Variants in A1CF observed in about 807,000 individuals in gnomAD.
A1CF encodes APOBEC-1 stimulating protein.
In A1CF, 48 loss-of-function variants were observed where a neutral mutation model predicts 68.9. That is an observed-to-expected ratio of 0.70 (90% CI 0.55 to 0.89). The LOEUF (loss-of-function observed/expected upper bound fraction) is 0.89. A1CF is among the 40% of genes least tolerant of loss of function. The pLI is 0.00. For missense variants in A1CF, 653 were observed against 718.9 expected (o/e 0.91, Z 1.05); for synonymous variants, 272 against 260.4 (o/e 1.04, Z -0.43).
intron 3 of A1CF, among the ~76,000 whole-genome samples, chr10:50,848,586 A>G (rs1300516150): frequency 6.6e-6 from 1 of 152,100 alleles, no homozygotes; most frequent in East Asian, 1.9e-4. Context: ...TTTTTTCCTG[A>G]GTAGTAATTT....
At chr10:50,827,243 G>A (rs1188604287) in intron 7 of A1CF, among the ~76,000 whole-genome samples, 2 of 152,084 alleles carry the variant, frequency 1.3e-5, no homozygotes, top group East Asian at 3.8e-4. Flanking sequence ...AAGTTAACAA[G>A]GATATTCAGG....
intron 7 of A1CF, among the ~76,000 whole-genome samples, chr10:50,826,994 T>A (rs1318536079): frequency 6.6e-6 from 1 of 152,072 alleles, no homozygotes; most frequent in Non-Finnish European, 1.5e-5. Flanking sequence ...TAGTCTCTGA[T>A]AAAAGAGACT....
intron 3 of A1CF, among the ~76,000 whole-genome samples, chr10:50,855,251 A>G (rs1239254603): frequency 6.6e-6 from 1 of 151,898 alleles, no homozygotes; most frequent in Non-Finnish European, 1.5e-5. Context: ...TTTAGCTATC[A>G]AAGAAGTATA....
intron 5 of A1CF, among the ~76,000 whole-genome samples, chr10:50,837,418 A>G (rs1325466172): frequency 6.6e-6 from 1 of 152,212 alleles, no homozygotes; most frequent in Non-Finnish European, 1.5e-5. Context: ...AAGTGTGCAC[A>G]ACCTTTGACC....
At chr10:50,869,295 G>T (rs1439657964) in intron 1 of A1CF, among the ~76,000 whole-genome samples, 1 of 152,054 alleles carries the variant, frequency 6.6e-6, no homozygotes, top group African/African-American at 2.4e-5. Context: ...GCCTAACATA[G>T]TACCTGGCAT....
At chr10:50,843,838 T>A in intron 4 of A1CF, 150 bp downstream of exon 4, 4 of 956,606 alleles carry the variant, frequency 4.2e-6, no homozygotes. Context: ...TATAAAGAGA[T>A]AATCACTAGA....
At chr10:50,883,537 GA>G (rs1417860476) in intron 1 of A1CF, among the ~76,000 whole-genome samples, 1 of 152,180 alleles carries the variant, frequency 6.6e-6, no homozygotes, top group Non-Finnish European at 1.5e-5. Context: ...AAGTCCTTTA[GA>G]TTTTTCAACT....
At chr10:50,833,808 A>G (rs1347003682) in intron 6 of A1CF, among the ~76,000 whole-genome samples, 1 of 152,180 alleles carries the variant, frequency 6.6e-6, no homozygotes, top group African/African-American at 2.4e-5. Context: ...CTTACTCACC[A>G]CTGTGCCTCA....
intron 4 of A1CF, among the ~76,000 whole-genome samples, chr10:50,843,008 A>G (rs950316440): frequency 3.9e-5 from 6 of 152,214 alleles, no homozygotes; most frequent in Non-Finnish European, 5.9e-5. Flanking sequence ...GCAATTTACT[A>G]TCACTGGCTG....
At chr10:50,854,355 C>A (rs1840384023) in intron 3 of A1CF, among the ~76,000 whole-genome samples, 1 of 151,798 alleles carries the variant, frequency 6.6e-6, no homozygotes, top group Non-Finnish European at 1.5e-5. Flanking sequence ...TTTGAAAATT[C>A]TTTGAAATCA....
At position 50,854,200 on chromosome 10, in the gene A1CF, A is replaced by C. The variant is rs141265043; in HGVS notation, c.99+5642T>G. The stretch of plus-strand genomic sequence containing the variant: ...AATTTAGAAAATGAAGAAGAGCATC[A>C]GGCAAGAAAAACTTAGAGATTATAC... On this transcript the variant is annotated intron_variant, in intron 3 of 12. Coordinates refer to ENST00000373997, the MANE Select transcript of A1CF (RefSeq NM_014576.4). Among the ~76,000 whole-genome samples the C allele has an allele frequency of 1.3e-3, 192 of 152,164 alleles. 2 individuals carry two copies. In the East Asian group the frequency reaches 0.032, roughly 26 times the overall value.
chr10:50,827,116 T>G (rs1036796097), intron 7 of A1CF, among the ~76,000 whole-genome samples: 1 of 151,548 alleles, frequency 6.6e-6, no homozygotes, highest in Non-Finnish European at 1.5e-5. Context: ...AATACAGGAG[T>G]ACCCAGAGTC....
chr10:50,872,946 CTTTTTTTTT>C (rs34770362), intron 1 of A1CF, among the ~76,000 whole-genome samples: 9 of 67,302 alleles, frequency 1.3e-4, no homozygotes, highest in South Asian at 6.8e-4. Context: ...ATTTAAGTTC[CTTTTTTTTT>C]TTTTTTTTTT....
intron 1 of A1CF, among the ~76,000 whole-genome samples, chr10:50,877,794 C>T (rs901057158): frequency 6.6e-6 from 1 of 152,054 alleles, no homozygotes; most frequent in African/African-American, 2.4e-5. Context: ...TTTAGAAGAC[C>T]CTGTCTGTGA....
rs187991864 is a variant in A1CF, at chr10:50,826,633, G to A, written c.769+1498C>T. Among the ~76,000 whole-genome samples, 25 of 152,120 alleles carry A rather than the reference G, an allele frequency of 1.6e-4. No individual in the cohort carries two copies. In the East Asian group the frequency reaches 3.3e-3, roughly 20 times the overall value. The stretch of plus-strand genomic sequence containing the variant: ...CCCTACAAGAACTCCTGAAGGAAGC[G>A]CTAAACATGGAAAGGAATAACCAGT... On this transcript the variant is annotated intron_variant, in intron 7 of 12. Transcript: ENST00000373997.
Position 50,801,211 on chromosome 10 carries a change from G to T in A1CF, c.*5518C>A, listed in dbSNP as rs576578860. On this transcript the variant is annotated 3_prime_UTR_variant, in exon 13 of 13. Transcript: ENST00000373997. ...GTAGAGAGATAGTTGGACAGAAAGT[G>T]GATTGATGGAGATTTCAGAGGAGGA... The T allele has an allele frequency of 6.6e-6, 1 of 152,326 alleles. No homozygotes were observed. Among genetic ancestry groups the T allele is most frequent in the East Asian group, 1.9e-4 (1 of 5,180 alleles). 9.4% of individuals were successfully genotyped at this position (152,326 alleles called of 1,614,324 possible). A position where few individuals can be genotyped will look rare whatever the true frequency, so the allele number is the denominator to read the frequency against.
chr10:50,876,560 G>C (rs2132609451), intron 1 of A1CF, among the ~76,000 whole-genome samples: 1 of 152,340 alleles, frequency 6.6e-6, no homozygotes, highest in East Asian at 1.9e-4. Context: ...AGCTGGGCCT[G>C]CATGACAGAG....
Position 50,873,375 on chromosome 10 carries a change from G to A in A1CF, c.-93-9295C>T, listed in dbSNP as rs1841364182. ...AAATATCTCATGAGGTTGCAATGGA[G>A]GTAATCAAAGCCCCAAGTGCTTCTC... On this transcript the variant is annotated intron_variant, in intron 1 of 12. Coordinates refer to ENST00000373997, the MANE Select transcript of A1CF (RefSeq NM_014576.4). Among the ~76,000 whole-genome samples, 3 of 152,120 alleles carry A rather than the reference G, an allele frequency of 2.0e-5. No homozygotes were observed. The South Asian group carries it at 6.2e-4, about 32-fold the overall frequency.
At chr10:50,882,600 T>C (rs373787398) in intron 1 of A1CF, among the ~76,000 whole-genome samples, 5 of 152,066 alleles carry the variant, frequency 3.3e-5, no homozygotes, top group Non-Finnish European at 7.3e-5. Context: ...GATACAGATT[T>C]CTAATACAGA....
Sources: allele counts gnomAD v4.1 joint callset (sites outside exome capture counted in the v4.1 genomes callset), GRCh38; gene constraint gnomAD v4.1.1; transcripts MANE v1.5; gene names NCBI Gene and HGNC (gene_info 2026-07-23, HGNC 2026-07-21).